The following FAM219A variants were observed in gnomAD, a reference collection of about 807,000 sequenced individuals.
FAM219A encodes protein FAM219A.
A neutral mutation model predicts 23.4 loss-of-function variants in FAM219A; 7 were observed. The observed-to-expected ratio is 0.30, with a 90% CI of 0.17 to 0.56. FAM219A has a LOEUF of 0.56. Ranked by LOEUF, FAM219A falls within the 20% of genes least tolerant of loss-of-function variation. The pLI, the probability that FAM219A is intolerant of heterozygous loss-of-function variation, is 0.92. For missense variants in FAM219A, 166 were observed against 246.9 expected (o/e 0.67, Z 2.20); for synonymous variants, 93 against 99.0 (o/e 0.94, Z 0.36).
intron 1 of FAM219A, among the ~76,000 whole-genome samples, chr9:34,414,856 T>G (rs541613534): frequency 6.6e-6 from 1 of 152,348 alleles, no homozygotes; most frequent in Non-Finnish European, 1.5e-5. Context: ...ACACACTGAG[T>G]GTCCACTCTC....
At chr9:34,419,814 T>C (rs896088860) in intron 1 of FAM219A, among the ~76,000 whole-genome samples, 6 of 152,208 alleles carry the variant, frequency 3.9e-5, no homozygotes, top group Admixed American at 2.0e-4. Context: ...GCAGAGTCTA[T>C]GGGATTTCTT....
chr9:34,424,404 T>C, intron 1 of FAM219A, among the ~76,000 whole-genome samples: 1 of 151,410 alleles, frequency 6.6e-6, no homozygotes, highest in African/African-American at 2.4e-5. Flanking sequence ...CCAGTCACGG[T>C]CCAGAGATCA....
intron 1 of FAM219A, 81 bp from the exon 2 acceptor site, chr9:34,406,045 C>T: frequency 7.3e-7 from 1 of 1,366,120 alleles, no homozygotes; most frequent in Middle Eastern, 1.9e-4. Context: ...GCTAGCCTTC[C>T]CACCTGCCCT....
chr9:34,433,028 G>A (rs1822771598), intron 1 of FAM219A, among the ~76,000 whole-genome samples: 1 of 152,124 alleles, frequency 6.6e-6, no homozygotes, highest in African/African-American at 2.4e-5. Context: ...ATTTACGGAA[G>A]AGTTACAAAG....
chr9:34,432,764 T>A lies in FAM219A; in HGVS notation c.60+25440A>T, dbSNP rs542663474. Among the ~76,000 whole-genome samples, 5 of 152,298 alleles carry A rather than the reference T, an allele frequency of 3.3e-5. No homozygotes were observed. The South Asian group carries it at 1.0e-3, about 32-fold the overall frequency. On this transcript the variant is annotated intron_variant, in intron 1 of 5. Transcript: ENST00000651358. ...CCAGCCTCGTTCTGCCTTTTAACTA[T>A]CTGTATCTTGTTATTGGCAAAACAC... is the stretch of plus-strand genomic sequence containing the variant.
intron 1 of FAM219A, among the ~76,000 whole-genome samples, chr9:34,444,716 C>T (rs766238018): frequency 2.6e-5 from 4 of 152,192 alleles, no homozygotes; most frequent in Non-Finnish European, 4.4e-5. Flanking sequence ...GCCAGGAGCA[C>T]GTCACTCCTT....
intron 1 of FAM219A, 138 bp from the exon 2 acceptor site, chr9:34,406,102 G>T: frequency 1.0e-6 from 1 of 962,408 alleles, no homozygotes. Context: ...AGGGCATTCA[G>T]GGAGAGAGGG....
intron 1 of FAM219A, among the ~76,000 whole-genome samples, chr9:34,428,928 C>A (rs939136253): frequency 2.6e-5 from 4 of 152,232 alleles, no homozygotes; most frequent in African/African-American, 9.6e-5. Context: ...AGCTGAGGGA[C>A]AGCCTGGATC....
chr9:34,443,793 A>G lies in FAM219A; in HGVS notation c.60+14411T>C, dbSNP rs79570981. 2.8e-3 allele frequency among the ~76,000 whole-genome samples: 420 copies of G among 151,940 alleles called. 1 individual carries two copies. The highest frequency in any genetic ancestry group is 9.3e-3 in the African/African-American group (386 of 41,416). ...CACCCCCTCAAGCATACTCAAACCA[A>G]TTCCTCCTGTGGGAGCTTCCTGTGA... On this transcript the variant is annotated intron_variant, in intron 1 of 5. Coordinates refer to ENST00000651358, the MANE Select transcript of FAM219A (RefSeq NM_001184940.2).
Position 34,400,806 on chromosome 9 carries a change from C to A in FAM219A, c.*158G>T, listed in dbSNP as rs954156803. On this transcript the variant is annotated 3_prime_UTR_variant, in exon 6 of 6. Coordinates refer to ENST00000651358, the MANE Select transcript of FAM219A (RefSeq NM_001184940.2). Reference sequence around the variant, plus strand: ...AGCTCCATGAACACACAGAGGTACACGTCCTACCATAGGAGGAAGCAATGA... The same window carrying A: ...AGCTCCATGAACACACAGAGGTACAAGTCCTACCATAGGAGGAAGCAATGA... 2.0e-5 allele frequency: 14 copies of A among 717,458 alleles called. No individual in the cohort carries two copies. Among genetic ancestry groups the A allele is most frequent in the Non-Finnish European group, 3.0e-5 (14 of 471,466 alleles). 44.4% of individuals were successfully genotyped at this position (717,458 alleles called of 1,614,324 possible). A position where few individuals can be genotyped will look rare whatever the true frequency, so the allele number is the denominator to read the frequency against.
At position 34,458,366 on chromosome 9, in the gene FAM219A, G is replaced by A. The variant is rs1823846483; in HGVS notation, c.-103C>T. On this transcript the variant is annotated 5_prime_UTR_variant, in exon 1 of 6. Coordinates refer to ENST00000651358, the MANE Select transcript of FAM219A (RefSeq NM_001184940.2). The surrounding 1 kb of genome is among the most constrained non-coding windows in gnomAD (Gnocchi z 6.6). Reference sequence around the variant, plus strand: ...GAGCCCGGCGGGTGGTGCAGACTAGGCCTCCCCGGACCACTCGGGCGGGCA... The same window carrying A: ...GAGCCCGGCGGGTGGTGCAGACTAGACCTCCCCGGACCACTCGGGCGGGCA... 1.2e-6 allele frequency: 1 copy of A among 838,182 alleles called. No individual in the cohort carries two copies. Among genetic ancestry groups the A allele is most frequent in the African/African-American group, 1.8e-5 (1 of 55,142 alleles). The allele number at this position is 838,182 out of a possible 1,614,324, so 51.9% of individuals were successfully genotyped here. A position where few individuals can be genotyped will look rare whatever the true frequency, so the allele number is the denominator to read the frequency against.
Position 34,400,955 on chromosome 9 carries a change from C to A in FAM219A, c.*9G>T. Reference sequence around the variant, plus strand: ...GGCCCCGCCCCGGCGACCGCAGTGGCCCCGCCCGCTACTGAATGTGGCAGG... The same window carrying A: ...GGCCCCGCCCCGGCGACCGCAGTGGACCCGCCCGCTACTGAATGTGGCAGG... On this transcript the variant is annotated 3_prime_UTR_variant, in exon 6 of 6. Transcript: ENST00000651358. 1 of 1,531,598 alleles carries A rather than the reference C, an allele frequency of 6.5e-7. No individual in the cohort carries two copies. The highest frequency in any genetic ancestry group is 8.8e-7 in the Non-Finnish European group (1 of 1,134,604). 94.9% of individuals were successfully genotyped at this position (1,531,598 alleles called of 1,614,324 possible).
intron 2 of FAM219A, among the ~76,000 whole-genome samples, chr9:34,403,929 C>T (rs1234500199): frequency 2.6e-5 from 4 of 152,156 alleles, no homozygotes; most frequent in Admixed American, 6.5e-5. Flanking sequence ...CCAGCTTTTT[C>T]CCAGCTTCTT....
intron 1 of FAM219A, among the ~76,000 whole-genome samples, chr9:34,421,065 T>G (rs1308581045): frequency 1.4e-5 from 2 of 144,090 alleles, no homozygotes; most frequent in Non-Finnish European, 3.0e-5. Context: ...CTGAAACAAA[T>G]TTTGCTGCAT....
intron 1 of FAM219A, among the ~76,000 whole-genome samples, chr9:34,422,892 G>A (rs933004029): frequency 3.3e-5 from 5 of 152,156 alleles, no homozygotes; most frequent in African/African-American, 9.7e-5. Flanking sequence ...TGGGCTGGGC[G>A]CGGTGGCTCA....
intron 1 of FAM219A, among the ~76,000 whole-genome samples, chr9:34,438,476 C>A (rs1054934529): frequency 2.6e-5 from 4 of 152,198 alleles, no homozygotes; most frequent in African/African-American, 9.7e-5. Context: ...CCAATCAGCA[C>A]CCTGTGTCTA....
At chr9:34,422,730 T>C (rs1006078955) in intron 1 of FAM219A, among the ~76,000 whole-genome samples, 5 of 152,152 alleles carry the variant, frequency 3.3e-5, no homozygotes, top group African/African-American at 1.2e-4. Context: ...CGTTGGAAAC[T>C]GAGAATGGTG....
intron 1 of FAM219A, among the ~76,000 whole-genome samples, chr9:34,419,715 A>G (rs1822187462): frequency 6.6e-6 from 1 of 152,192 alleles, no homozygotes; most frequent in Non-Finnish European, 1.5e-5. Flanking sequence ...GCTTTTTAGT[A>G]AGCTTCAATT....
intron 1 of FAM219A, among the ~76,000 whole-genome samples, chr9:34,421,286 T>C (rs184333310): frequency 6.6e-6 from 1 of 152,146 alleles, no homozygotes; most frequent in East Asian, 1.9e-4. Context: ...GGTGTGTGTG[T>C]GCCAGCTGGG....
Sources: gnomAD v4.1 joint callset for allele counts (sites outside exome capture counted in the v4.1 genomes callset) on GRCh38, gnomAD v4.1.1 for gene constraint, Gnocchi (gnomAD v3.1) non-coding constraint, MANE v1.5 for transcripts, NCBI Gene and HGNC (gene_info 2026-07-23, HGNC 2026-07-21) for gene names.